The following SSH2 variants were observed in gnomAD, a reference collection of about 807,000 sequenced individuals.
SSH2 encodes the protein protein phosphatase Slingshot homolog 2.
SSH2 carries 37 observed loss-of-function variants against 135.2 expected under a neutral mutation model. The ratio of observed to expected loss-of-function variants is 0.27; its 90% CI spans 0.21 to 0.36. The LOEUF (loss-of-function observed/expected upper bound fraction) is 0.36. Among genes scored for constraint, SSH2 ranks in the 10% least tolerant of loss-of-function variants. The pLI is 1.00. For synonymous variants in SSH2, 628 were observed against 646.2 expected, an observed-to-expected ratio of 0.97 and a Z score of 0.43; for missense variants, 1,408 against 1,765.3, an observed-to-expected ratio of 0.80 and a Z score of 3.63.
chr17:29,813,062 T>C (rs2042475369), intron 2 of SSH2, among the ~76,000 whole-genome samples: 1 of 151,930 alleles, frequency 6.6e-6, no homozygotes, highest in South Asian at 2.1e-4. Flanking sequence ...GAACAAGGAA[T>C]TCCAATTAGA....
At chr17:29,758,384 G>A (rs1416335733) in intron 3 of SSH2, among the ~76,000 whole-genome samples, 2 of 152,118 alleles carry the variant, frequency 1.3e-5, no homozygotes, top group Non-Finnish European at 2.9e-5. Flanking sequence ...CTAAGCCTCA[G>A]TTTCATTATC....
chr17:29,842,628 C>T (rs1365099489), intron 2 of SSH2, among the ~76,000 whole-genome samples: 1 of 152,118 alleles, frequency 6.6e-6, no homozygotes, highest in Admixed American at 6.5e-5. Context: ...AATTATTTCT[C>T]ATAATAATTA....
chr17:29,677,549 T>C (rs2037780321), intron 7 of SSH2, 124 bp downstream of exon 7: 3 of 779,218 alleles, frequency 3.9e-6, no homozygotes, highest in South Asian at 1.5e-5. Flanking sequence ...AAAGGACTCA[T>C]TCAGCTGTTG....
At chr17:29,920,621 T>G (rs2066960372) in intron 1 of SSH2, among the ~76,000 whole-genome samples, 1 of 152,122 alleles carries the variant, frequency 6.6e-6, no homozygotes, top group South Asian at 2.1e-4. Flanking sequence ...AGCTGCTATT[T>G]GGAATAAAAT....
chr17:29,888,779 T>TA (rs869310143), intron 1 of SSH2, among the ~76,000 whole-genome samples: 8,141 of 118,360 alleles, frequency 0.069, 416 homozygotes, highest in African/African-American at 0.16. Flanking sequence ...ACAAAAAACT[T>TA]AAAAAAAAAA....
At chr17:29,691,124 T>C (rs1422836035) in intron 5 of SSH2, among the ~76,000 whole-genome samples, 1 of 152,202 alleles carries the variant, frequency 6.6e-6, no homozygotes, top group Non-Finnish European at 1.5e-5. Context: ...AATACATTTA[T>C]AGCTAGAAAA....
At chr17:29,837,261 C>CAA (rs1344374838) in intron 2 of SSH2, among the ~76,000 whole-genome samples, 2 of 103,118 alleles carry the variant, frequency 1.9e-5, no homozygotes, top group Non-Finnish European at 4.1e-5. Context: ...GACTCTGTCT[C>CAA]AAAAAAAAAA....
chr17:29,929,320 TAAAGG>T (rs1413682920), intron 1 of SSH2: 1 of 154,452 alleles, frequency 6.5e-6, no homozygotes, highest in East Asian at 1.9e-4. Flanking sequence ...CGGGACCTCA[TAAAGG>T]AAAGGTAAGA....
Position 29,630,882 on chromosome 17 carries a change from C to T in SSH2, c.4312G>A (p.Asp1438Asn), listed in dbSNP as rs764778124. The change falls in exon 16 of 16, where the codon GAC becomes AAC. Residue 1438 changes from aspartate to asparagine, a missense_variant. Physicochemically the swap from Asp to Asn is conservative, Grantham distance 23 (BLOSUM62 1). Transcript: ENST00000540801. Reference protein sequence around the residue: ...HPLRRLKKANDKKRTTNPFYN... With the variant: ...HPLRRLKKANNKKRTTNPFYN... ...AAGGGGTTGGTTGTCCGTTTTTTGT[C>T]ATTTGCCTTTTTCAGTCTCCTAAGG... 11 of 1,570,318 alleles carry T rather than the reference C, an allele frequency of 7.0e-6. No individual in the cohort carries two copies. The highest frequency in any genetic ancestry group is 5.6e-5 in the Admixed American group (3 of 53,992).
At chr17:29,814,432 C>CAAAAAAAAAAAAAA (rs1179862061) in intron 2 of SSH2, among the ~76,000 whole-genome samples, 1 of 39,112 alleles carries the variant, frequency 2.6e-5, no homozygotes, top group Non-Finnish European at 4.5e-5. Flanking sequence ...GACTCTGTCT[C>CAAAAAAAAAAAAAA]AAAAAAAAAA....
chr17:29,908,607 TA>T (rs936903259), intron 1 of SSH2, among the ~76,000 whole-genome samples: 9 of 150,366 alleles, frequency 6.0e-5, no homozygotes, highest in Admixed American at 6.0e-4. Flanking sequence ...CTACTAAAAA[TA>T]CAAAAATTAG....
chr17:29,813,424 AT>A (rs1293959073), intron 2 of SSH2, among the ~76,000 whole-genome samples: 1 of 152,182 alleles, frequency 6.6e-6, no homozygotes, highest in Non-Finnish European at 1.5e-5. Context: ...AGAAATACAA[AT>A]GAAAAGGAAG....
At chr17:29,659,521 C>CATTTT (rs578058830) in intron 11 of SSH2, among the ~76,000 whole-genome samples, 10 of 152,190 alleles carry the variant, frequency 6.6e-5, no homozygotes, top group East Asian at 5.8e-4. Context: ...AAAAGGCAGA[C>CATTTT]ATTTTATTTT....
intron 3 of SSH2, among the ~76,000 whole-genome samples, chr17:29,773,044 T>C (rs1179933218): frequency 6.6e-6 from 1 of 151,196 alleles, no homozygotes; most frequent in East Asian, 1.9e-4. Context: ...CATCCATCCA[T>C]CCATCCATCC....
chr17:29,815,219 G>T (rs1414267708), intron 2 of SSH2, among the ~76,000 whole-genome samples: 1 of 150,790 alleles, frequency 6.6e-6, no homozygotes, highest in African/African-American at 2.4e-5. Flanking sequence ...CTGCCTCCTG[G>T]ATTCAAGTGA....
intron 5 of SSH2, among the ~76,000 whole-genome samples, chr17:29,692,821 G>C (rs1018872110): frequency 6.6e-6 from 1 of 152,156 alleles, no homozygotes; most frequent in African/African-American, 2.4e-5. Context: ...GCAGTGTTTC[G>C]AAACTGGCTT....
rs149855913 is a variant in SSH2 at position 29,722,975 on chromosome 17, A to G, written c.189-19913T>C. On this transcript the variant is annotated intron_variant, in intron 3 of 15. Transcript: ENST00000540801. ...TCTTAGATTAAGTTCCTCATTTATG[A>G]GCTACCCCTCTTCCCAAAATGCTTT... 7.9e-5 allele frequency among the ~76,000 whole-genome samples: 12 copies of G among 152,342 alleles called. No individual in the cohort carries two copies. In the East Asian group the frequency reaches 2.1e-3, roughly 27 times the overall value.
At chr17:29,842,748 T>C (rs1429501095) in intron 2 of SSH2, among the ~76,000 whole-genome samples, 1 of 152,162 alleles carries the variant, frequency 6.6e-6, no homozygotes, top group Non-Finnish European at 1.5e-5. Flanking sequence ...CCTTCCAAAG[T>C]AAAAAATAAG....
At chr17:29,676,738 T>C in intron 8 of SSH2, 82 bp downstream of exon 8, 2 of 1,139,736 alleles carry the variant, frequency 1.8e-6, no homozygotes, top group Non-Finnish European at 2.6e-6. Flanking sequence ...CATAGCAAAC[T>C]GTACCATTTC....
Sources: allele counts gnomAD v4.1 joint callset (sites outside exome capture counted in the v4.1 genomes callset), GRCh38; gene constraint gnomAD v4.1.1; transcripts MANE v1.5; gene names NCBI Gene and HGNC (gene_info 2026-07-23, HGNC 2026-07-21).